Variants in TMEM164 observed in about 807,000 individuals in gnomAD.
The protein encoded by TMEM164 is RP13-360B22.2.
Under a neutral mutation model 18.8 loss-of-function variants are expected in TMEM164, and 4 were observed. The observed-to-expected ratio is 0.21, with a 90% CI of 0.10 to 0.49. The LOEUF (loss-of-function observed/expected upper bound fraction) is 0.49. Among genes scored for constraint, TMEM164 ranks in the 20% least tolerant of loss-of-function variants. TMEM164 has a pLI of 0.98. For missense variants in TMEM164, 108 were observed against 239.9 expected (o/e 0.45, Z 3.63); for synonymous variants, 86 against 101.7 (o/e 0.85, Z 0.93).
At chrX:110,049,926 C>T (rs187534522) in intron 2 of TMEM164, among the ~76,000 whole-genome samples, 65 of 111,391 alleles carry the variant, frequency 5.8e-4, no homozygotes, top group African/African-American at 1.8e-3. Flanking sequence ...TTAAAACCAT[C>T]GTAAGCCCAA....
chrX:110,002,844 C>T (rs1234912581), upstream of TMEM164: 1 of 89,781 alleles, frequency 1.1e-5, no homozygotes, highest in Admixed American at 1.2e-4. Context: ...GTTGCGGCGC[C>T]GGGGAGGAGG....
intron 2 of TMEM164, among the ~76,000 whole-genome samples, chrX:110,062,696 T>C (rs1402068661): frequency 1.8e-5 from 2 of 111,946 alleles, no homozygotes; most frequent in African/African-American, 3.2e-5. Flanking sequence ...GAAAATGAGA[T>C]AGTAGAAGTG....
chrX:110,129,074 C>T (rs1415191255), intron 4 of TMEM164, among the ~76,000 whole-genome samples: 2 of 106,843 alleles, frequency 1.9e-5, no homozygotes, highest in African/African-American at 3.5e-5. Flanking sequence ...TTGCTAGGCA[C>T]CTGAGAGCTG....
At chrX:110,019,489 C>CTCTA (rs1459026344) in intron 2 of TMEM164, among the ~76,000 whole-genome samples, 1 of 111,625 alleles carries the variant, frequency 9.0e-6, no homozygotes, top group Non-Finnish European at 1.9e-5. Flanking sequence ...CTATCCTTTA[C>CTCTA]TCTATCTACT....
intron 2 of TMEM164, among the ~76,000 whole-genome samples, chrX:110,050,581 C>T (rs1038342632): frequency 8.1e-5 from 9 of 111,611 alleles, no homozygotes; most frequent in Non-Finnish European, 1.7e-4. Flanking sequence ...GCCCTTTTAT[C>T]CATCTCAGTG....
At chrX:110,014,746 T>TTTTTTTTTTTTTTTTTTTTTTTA (rs1933230853) in intron 2 of TMEM164, among the ~76,000 whole-genome samples, 1 of 28,713 alleles carries the variant, frequency 3.5e-5, no homozygotes, top group African/African-American at 1.6e-4. Context: ...GGTTGTTTCT[T>TTTTTTTTTTTTTTTTTTTTTTTA]TTTTTTTTTT....
At chrX:110,104,438 C>T (rs1326385512) in intron 3 of TMEM164, among the ~76,000 whole-genome samples, 1 of 111,464 alleles carries the variant, frequency 9.0e-6, no homozygotes, top group Non-Finnish European at 1.9e-5. Context: ...TAGTGCAATA[C>T]CATAAATGTT....
intron 4 of TMEM164, among the ~76,000 whole-genome samples, chrX:110,119,891 C>T (rs191837200): frequency 6.3e-5 from 7 of 111,943 alleles, no homozygotes; most frequent in African/African-American, 1.9e-4. Context: ...TTTTCAGTGG[C>T]GGTAATGTGA....
At chrX:110,017,512 CTCCTTCCTTCCTTCCTTCCT>C (rs767793658) in intron 2 of TMEM164, among the ~76,000 whole-genome samples, 1 of 20,160 alleles carries the variant, frequency 5.0e-5, no homozygotes, top group African/African-American at 2.6e-4. Context: ...CCCTCCCTCC[CTCCTTCCTTCCTTCCTTCCT>C]TCCTTCCTTC....
At chrX:110,021,758 G>A (rs927921155) in intron 2 of TMEM164, among the ~76,000 whole-genome samples, 10 of 112,173 alleles carry the variant, frequency 8.9e-5, no homozygotes, top group South Asian at 7.4e-4. Context: ...CTAGCTAATC[G>A]CCTTCTCTAA....
chrX:110,163,168 A>G (rs1353176046), intron 5 of TMEM164, among the ~76,000 whole-genome samples: 1 of 111,682 alleles, frequency 9.0e-6, no homozygotes, highest in Admixed American at 9.5e-5. Context: ...GTTTTGATGG[A>G]GGGAGGGAAG....
chrX:110,057,547 T>C (rs1275692526), intron 2 of TMEM164, among the ~76,000 whole-genome samples: 3 of 105,395 alleles, frequency 2.8e-5, no homozygotes, highest in Non-Finnish European at 5.9e-5. Flanking sequence ...ATAGAATAGG[T>C]CTTTTTTTTT....
intron 4 of TMEM164, among the ~76,000 whole-genome samples, chrX:110,121,665 A>T (rs760887225): frequency 1.8e-5 from 2 of 112,421 alleles, no homozygotes; most frequent in South Asian, 7.3e-4. Context: ...GAACATTTGT[A>T]TAAAGCTATC....
At chrX:110,019,358 C>T (rs991796090) in intron 2 of TMEM164, among the ~76,000 whole-genome samples, 2 of 111,035 alleles carry the variant, frequency 1.8e-5, no homozygotes, top group Non-Finnish European at 3.8e-5. Context: ...CATTTCTCTT[C>T]CTTTTCTTCT....
intron 3 of TMEM164, among the ~76,000 whole-genome samples, chrX:110,085,335 AAAT>A (rs2065836416): frequency 1.2e-5 from 1 of 80,734 alleles, no homozygotes. Context: ...TAATTAAAAA[AAAT>A]ATATATATAT....
intron 3 of TMEM164, among the ~76,000 whole-genome samples, chrX:110,094,923 C>A (rs752046215): frequency 6.3e-5 from 7 of 111,392 alleles, no homozygotes; most frequent in African/African-American, 9.8e-5. Context: ...GATTTTATTT[C>A]TCCTTCACTT....
intron 2 of TMEM164, among the ~76,000 whole-genome samples, chrX:110,044,593 CTTTTTTTT>C (rs56400284): frequency 5.0e-4 from 18 of 35,959 alleles, no homozygotes; most frequent in African/African-American, 1.7e-3. Context: ...CCATTCCTTG[CTTTTTTTT>C]TTTTTTTTTT....
chrX:110,068,912 A>G (rs1015982171), intron 3 of TMEM164, among the ~76,000 whole-genome samples: 1 of 111,905 alleles, frequency 8.9e-6, no homozygotes, highest in African/African-American at 3.2e-5. Flanking sequence ...AGAATATTAT[A>G]TATACTTTAA....
intron 2 of TMEM164, among the ~76,000 whole-genome samples, chrX:110,013,407 C>T (rs1933117700): frequency 8.9e-6 from 1 of 112,106 alleles, no homozygotes; most frequent in South Asian, 3.7e-4. Context: ...GTCAGGTGTT[C>T]TCTTCAGAAA....
Sources: allele counts gnomAD v4.1 joint callset (sites outside exome capture counted in the v4.1 genomes callset), GRCh38; gene constraint gnomAD v4.1.1; transcripts MANE v1.5; gene names NCBI Gene and HGNC (gene_info 2026-07-23, HGNC 2026-07-21).